The following TTC7A variants were observed in gnomAD, a reference collection of about 807,000 sequenced individuals.
TTC7A encodes tetratricopeptide repeat domain 7A, also known as tetratricopeptide repeat protein 7A.
A neutral mutation model predicts 103.7 loss-of-function variants in TTC7A; 110 were observed. The ratio of observed to expected loss-of-function variants is 1.06; its 90% CI spans 0.91 to 1.24. The LOEUF is 1.24. TTC7A is among the 50% of genes most tolerant of loss of function. The pLI is 0.00. For synonymous variants in TTC7A, 521 were observed against 467.9 expected, an observed-to-expected ratio of 1.11 and a Z score of -1.47; for missense variants, 1,340 against 1,116.3, an observed-to-expected ratio of 1.20 and a Z score of -2.86.
intron 7 of TTC7A, 57 bp downstream of exon 7, chr2:46,994,571 G>A: frequency 6.4e-7 from 1 of 1,565,278 alleles, no homozygotes; most frequent in South Asian, 1.2e-5. Context: ...GCAGGGTTCT[G>A]TCCCCACTGG....
intron 3 of TTC7A, among the ~76,000 whole-genome samples, chr2:46,971,930 AAAAG>A (rs1182044482): frequency 1.1e-4 from 17 of 151,530 alleles, no homozygotes; most frequent in South Asian, 4.2e-4. Context: ...GACAAAAAAA[AAAAG>A]AAAGAAAGAC....
chr2:46,917,334 C>T, intron 2 of TTC7A: 1 of 618,262 alleles, frequency 1.6e-6, no homozygotes, highest in Admixed American at 3.0e-5. Flanking sequence ...CCTATTAATT[C>T]AAGACCCATT....
At chr2:47,051,716 C>G (rs1256132253) in intron 17 of TTC7A, 30 bp from the exon 18 acceptor site, 5 of 1,596,836 alleles carry the variant, frequency 3.1e-6, no homozygotes, top group Non-Finnish European at 4.3e-6. Context: ...CCTCTGACCA[C>G]TGCTCGGCTC....
intron 15 of TTC7A, among the ~76,000 whole-genome samples, chr2:47,041,038 C>G (rs987447800): frequency 6.6e-6 from 1 of 152,200 alleles, no homozygotes; most frequent in Non-Finnish European, 1.5e-5. Context: ...CTCAGTGATA[C>G]TTTTTGGCCT....
intron 15 of TTC7A, chr2:47,035,747 C>G (rs1681033198): frequency 6.6e-6 from 1 of 152,218 alleles, no homozygotes; most frequent in Non-Finnish European, 1.5e-5. Flanking sequence ...GCGGCAGGGG[C>G]TGGAGGCAGG....
At chr2:47,054,112 TCC>T (rs1410106695) in intron 18 of TTC7A, 1 of 985,322 alleles carries the variant, frequency 1.0e-6, no homozygotes, top group Non-Finnish European at 1.2e-6. Flanking sequence ...AGAAGAGAAC[TCC>T]GAGAACAGCA....
At chr2:47,073,618 C>G in intron 19 of TTC7A, 84 bp from the exon 20 acceptor site, 3 of 1,180,754 alleles carry the variant, frequency 2.5e-6, no homozygotes, top group Non-Finnish European at 3.7e-6. Context: ...CTGCTGCCAC[C>G]CGTGCACCTG....
At chr2:46,936,859 A>T (rs1427420552), upstream of TTC7A, among the ~76,000 whole-genome samples, 3 of 142,856 alleles carry the variant, frequency 2.1e-5, no homozygotes, top group Admixed American at 1.4e-4. Flanking sequence ...AGGATTCCAA[A>T]TTTTTTTTTT....
At chr2:47,070,068 C>CA (rs1684536754) in intron 19 of TTC7A, among the ~76,000 whole-genome samples, 1 of 152,306 alleles carries the variant, frequency 6.6e-6, no homozygotes, top group South Asian at 2.1e-4. Context: ...GCAGGCCCCC[C>CA]TCAAAGGAAG....
intron 11 of TTC7A, 56 bp from the exon 12 acceptor site, chr2:47,021,806 A>T: frequency 7.2e-7 from 1 of 1,383,174 alleles, no homozygotes; most frequent in Non-Finnish European, 1.0e-6. Context: ...GGAGTCATTC[A>T]CTGGTAGAGG....
intron 2 of TTC7A, among the ~76,000 whole-genome samples, chr2:46,925,421 G>T (rs1207010003): frequency 1.3e-5 from 2 of 152,192 alleles, no homozygotes; most frequent in African/African-American, 4.8e-5. Flanking sequence ...AGCCGGGCAT[G>T]GTGGTGGGCG....
intron 11 of TTC7A, among the ~76,000 whole-genome samples, chr2:47,015,063 G>A (rs1265788203): frequency 6.6e-6 from 1 of 152,228 alleles, no homozygotes; most frequent in Non-Finnish European, 1.5e-5. Context: ...GTTTGGAATG[G>A]GAGAGCACTG....
chr2:46,963,725 G>A (rs1184963873), intron 3 of TTC7A, among the ~76,000 whole-genome samples: 21 of 149,172 alleles, frequency 1.4e-4, no homozygotes, highest in Non-Finnish European at 1.2e-4. Flanking sequence ...ATCAGGCATA[G>A]CTGAATCCGG....
intron 3 of TTC7A, among the ~76,000 whole-genome samples, chr2:46,961,840 C>T (rs557745665): frequency 9.9e-4 from 149 of 150,924 alleles, no homozygotes; most frequent in African/African-American, 3.4e-3. Context: ...ACCTGGGAGG[C>T]GGAGGTTGCA....
Position 47,007,615 on chromosome 2 carries a change from C to A in TTC7A, c.1287+891C>A, listed in dbSNP as rs527427872. 6.6e-6 allele frequency among the ~76,000 whole-genome samples: 1 copy of A among 152,312 alleles called. No individual in the cohort carries two copies. Among genetic ancestry groups the A allele is most frequent in the South Asian group, 2.1e-4 (1 of 4,824 alleles). ...GGAGGGCCCTCCTGGCTTGCCAGTG[C>A]CTCCTCCACGCATCAAGGGCGTGCC... On this transcript the variant is annotated intron_variant, in intron 10 of 19. Transcript: ENST00000319190. The surrounding 1 kb of genome is among the most constrained non-coding windows in gnomAD (Gnocchi z 4.9).
At chr2:46,973,314 C>T (rs1673538905) in intron 3 of TTC7A, among the ~76,000 whole-genome samples, 1 of 152,132 alleles carries the variant, frequency 6.6e-6, no homozygotes, top group African/African-American at 2.4e-5. Flanking sequence ...GCCAGGTTTT[C>T]CAAGAGTGGC....
chr2:46,943,784 T>C (rs1174149747), intron 1 of TTC7A, among the ~76,000 whole-genome samples: 1 of 152,196 alleles, frequency 6.6e-6, no homozygotes, highest in Admixed American at 6.5e-5. Flanking sequence ...GTCAGTGATC[T>C]GAAGCTTCCA....
chr2:47,054,071 C>G (rs756671248), intron 18 of TTC7A: 31 of 977,564 alleles, frequency 3.2e-5, no homozygotes, highest in Non-Finnish European at 3.6e-5. Context: ...AGCCTTTCTT[C>G]TTTGGTCATT....
chr2:47,027,503 T>A (rs148949529), intron 14 of TTC7A, among the ~76,000 whole-genome samples: 1 of 152,228 alleles, frequency 6.6e-6, no homozygotes, highest in African/African-American at 2.4e-5. Context: ...GCATGTACAT[T>A]AGCTCTTTGA....
Sources: allele counts gnomAD v4.1 joint callset (sites outside exome capture counted in the v4.1 genomes callset), GRCh38; gene constraint gnomAD v4.1.1; non-coding constraint Gnocchi (gnomAD v3.1); transcripts MANE v1.5; gene names NCBI Gene and HGNC (gene_info 2026-07-23, HGNC 2026-07-21).